The following SCN1A variants were observed in gnomAD, a reference collection of about 807,000 sequenced individuals.
The protein encoded by SCN1A is sodium channel protein type 1 subunit alpha.
A neutral mutation model predicts 193.7 loss-of-function variants in SCN1A; 13 were observed. The observed-to-expected ratio is 0.07, with a 90% CI of 0.04 to 0.11. The LOEUF (loss-of-function observed/expected upper bound fraction) is 0.11. SCN1A is among the 10% of genes least tolerant of loss of function. SCN1A has a pLI of 1.00. For synonymous variants in SCN1A, 781 were observed against 843.6 expected, an observed-to-expected ratio of 0.93 and a Z score of 1.29; for missense variants, 1,432 against 2,451.1, an observed-to-expected ratio of 0.58 and a Z score of 8.78.
chr2:166,061,244 CAAG>C (rs1441962618), intron 4 of SCN1A, among the ~76,000 whole-genome samples: 1 of 152,016 alleles, frequency 6.6e-6, no homozygotes, highest in Non-Finnish European at 1.5e-5. Context: ...AAAAGACAGA[CAAG>C]GAGTGGTAAA....
intron 23 of SCN1A, 170 bp downstream of exon 23, chr2:166,009,549 A>T: frequency 2.0e-6 from 1 of 497,756 alleles, no homozygotes; most frequent in East Asian, 3.4e-5. Flanking sequence ...AGAGAGGCCT[A>T]TTTCTCTTGC....
intron 1 of SCN1A, among the ~76,000 whole-genome samples, chr2:166,134,745 T>C (rs780719303): frequency 6.4e-4 from 98 of 152,298 alleles, no homozygotes; most frequent in Non-Finnish European, 6.3e-4. Context: ...ACTTTTTTAG[T>C]CTAATAAACC....
At chr2:166,109,486 C>G (rs1689066753) in intron 2 of SCN1A, 1 of 152,750 alleles carries the variant, frequency 6.5e-6, no homozygotes, top group Non-Finnish European at 1.5e-5. Context: ...TATTGTGCTT[C>G]ACAGATACAG....
chr2:166,106,632 G>T (rs1304147936), intron 2 of SCN1A, among the ~76,000 whole-genome samples: 1 of 152,170 alleles, frequency 6.6e-6, no homozygotes, highest in Admixed American at 6.5e-5. Flanking sequence ...CTGTGGCAAA[G>T]TGGTCACTAG....
intron 2 of SCN1A, among the ~76,000 whole-genome samples, chr2:166,120,131 GAA>G (rs906437996): frequency 1.3e-5 from 2 of 150,648 alleles, no homozygotes; most frequent in Admixed American, 6.6e-5. Context: ...TTTGTCATAA[GAA>G]AAATAAGATG....
chr2:166,095,743 G>C (rs979472277), intron 2 of SCN1A, among the ~76,000 whole-genome samples: 2 of 152,046 alleles, frequency 1.3e-5, no homozygotes, highest in African/African-American at 4.8e-5. Context: ...ATTCCTAAAG[G>C]TTTCAAGGTT....
intron 22 of SCN1A, among the ~76,000 whole-genome samples, chr2:166,010,829 T>C (rs914437446): frequency 3.3e-5 from 5 of 151,062 alleles, no homozygotes; most frequent in Admixed American, 6.6e-5. Flanking sequence ...AAACAGAACA[T>C]TGAAAATAAA....
At chr2:166,030,054 C>T (rs756103415) in intron 19 of SCN1A, among the ~76,000 whole-genome samples, 2 of 152,166 alleles carry the variant, frequency 1.3e-5, no homozygotes, top group Non-Finnish European at 2.9e-5. Context: ...TGGAAGTTAA[C>T]ACCAAATCTA....
At chr2:166,048,760 T>G in intron 10 of SCN1A, 126 bp downstream of exon 10, 1 of 692,722 alleles carries the variant, frequency 1.4e-6, no homozygotes. Context: ...AAACCTTACA[T>G]ATAGCAAATT....
intron 28 of SCN1A, chr2:165,993,798 A>G: frequency 3.1e-6 from 1 of 322,048 alleles, no homozygotes; most frequent in Non-Finnish European, 5.7e-6. Flanking sequence ...CGTGAGTACC[A>G]GACTACATTT....
At chr2:166,131,596 GGA>G (rs1471535537), upstream of SCN1A, among the ~76,000 whole-genome samples, 3 of 152,200 alleles carry the variant, frequency 2.0e-5, no homozygotes, top group Non-Finnish European at 2.9e-5. Flanking sequence ...ACGACATAAA[GGA>G]GAGTCTCTCG....
intron 2 of SCN1A, among the ~76,000 whole-genome samples, chr2:166,119,279 T>A (rs1427555622): frequency 6.6e-6 from 1 of 152,182 alleles, no homozygotes; most frequent in Non-Finnish European, 1.5e-5. Context: ...TCAACACATA[T>A]AATTTCACAT....
chr2:165,994,005 A>G, intron 28 of SCN1A, 141 bp downstream of exon 28: 2 of 741,898 alleles, frequency 2.7e-6, no homozygotes, highest in Non-Finnish European at 4.4e-6. Flanking sequence ...TTTTGTTAAA[A>G]AAACAAACAC....
intron 2 of SCN1A, among the ~76,000 whole-genome samples, chr2:166,108,206 C>T (rs1688900471): frequency 6.6e-6 from 1 of 151,906 alleles, no homozygotes; most frequent in Admixed American, 6.6e-5. Context: ...ATCAGATGCT[C>T]AACATCATTA....
In SCN1A at chr2:166,065,453, C is replaced by A. The variant is rs150405089; in HGVS notation, c.265-6765G>T. Among the ~76,000 whole-genome samples the A allele has an allele frequency of 4.8e-3, 728 of 152,238 alleles. 4 individuals are homozygous for A. Among genetic ancestry groups the A allele is most frequent in the Non-Finnish European group, 8.6e-3 (588 of 68,004 alleles). On this transcript the variant is annotated intron_variant, in intron 4 of 28. Transcript: ENST00000674923. Reference sequence around the variant, plus strand: ...GTATATAATATTTTTTCCCCAAGGACTTTAAATGGTCTCACCTACTTCCCT... The same window carrying A: ...GTATATAATATTTTTTCCCCAAGGAATTTAAATGGTCTCACCTACTTCCCT...
Position 166,105,249 on chromosome 2 carries a change from C to A in SCN1A, c.-142+21675G>T, listed in dbSNP as rs375392399. Reference sequence around the variant, plus strand: ...CATAAAAGTTTAAAAACAACTTCATCAAGGGTTTCCCTTTTGCCAAGTTAT... The same window carrying A: ...CATAAAAGTTTAAAAACAACTTCATAAAGGGTTTCCCTTTTGCCAAGTTAT... On this transcript the variant is annotated intron_variant, in intron 2 of 28. Coordinates refer to ENST00000674923, the MANE Select transcript of SCN1A (RefSeq NM_001165963.4). Among the ~76,000 whole-genome samples the A allele has an allele frequency of 2.6e-5, 4 of 152,274 alleles. No individual in the cohort carries two copies. In the East Asian group the frequency reaches 7.7e-4, roughly 29 times the overall value.
At position 166,054,606 on chromosome 2, in the gene SCN1A, T is replaced by C. The variant is rs1312614987; in HGVS notation, c.602+32A>G. 8 of 1,610,042 alleles carry C rather than the reference T, an allele frequency of 5.0e-6. No homozygotes were observed. In the African/African-American group the frequency reaches 1.1e-4, roughly 22 times the overall value. The stretch of plus-strand genomic sequence containing the variant: ...AGCACTGATGGAAAACCAAACTATG[T>C]TCTCTCTTAAAGTTTCAAAAAAGGC... On this transcript the variant is annotated intron_variant, in intron 7 of 28. Transcript: ENST00000674923.
Position 166,084,110 on chromosome 2 carries a change from TTGCACAAAGTG to T in SCN1A, c.-141-6320_-141-6310del, listed in dbSNP as rs764919956. Among the ~76,000 whole-genome samples, 55 of 152,288 alleles carry T rather than the reference TTGCACAAAGTG, an allele frequency of 3.6e-4. 1 individual carries two copies. The highest frequency in any genetic ancestry group is 2.9e-3 in the South Asian group (14 of 4,824). Reference sequence around the variant, plus strand: ...ATATCCAAGTTGTATATGGCAGGTTTTGCACAAAGTGGATTACTCGAAGAGAAAGCCTAATG... The same window carrying T: ...ATATCCAAGTTGTATATGGCAGGTTTGATTACTCGAAGAGAAAGCCTAATG... On this transcript the variant is annotated intron_variant, in intron 2 of 28. Transcript: ENST00000674923.
At chr2:166,135,364 G>T (rs1256958219) in intron 1 of SCN1A, among the ~76,000 whole-genome samples, 2 of 147,868 alleles carry the variant, frequency 1.4e-5, no homozygotes. Flanking sequence ...CCATAACTTA[G>T]CATAAGCAAA....
Sources: gnomAD v4.1 joint callset for allele counts (sites outside exome capture counted in the v4.1 genomes callset) on GRCh38, gnomAD v4.1.1 for gene constraint, MANE v1.5 for transcripts, NCBI Gene and HGNC (gene_info 2026-07-23, HGNC 2026-07-21) for gene names.